ANKHD1: variants seen among roughly 807,000 people sequenced by gnomAD.
ANKHD1 encodes ankyrin repeat and KH domain-containing protein 1.
In ANKHD1, 31 loss-of-function variants were observed where a neutral mutation model predicts 230.5. The ratio of observed to expected loss-of-function variants is 0.13; its 90% CI spans 0.10 to 0.18. The LOEUF is 0.18. Among genes scored for constraint, ANKHD1 ranks in the 10% least tolerant of loss-of-function variants. The pLI is 1.00. For missense variants in ANKHD1, 2,256 were observed against 3,071.3 expected, an observed-to-expected ratio of 0.73 and a Z score of 6.27; for synonymous variants, 1,074 against 1,117.6, an observed-to-expected ratio of 0.96 and a Z score of 0.78.
intron 29 of ANKHD1, chr5:140,532,999 G>A (rs112198955): frequency 0.022 from 4,651 of 213,034 alleles, 68 homozygotes; most frequent in Middle Eastern, 0.04. Flanking sequence ...TCAGTAGGCT[G>A]AGGCAGGTGA....
intron 25 of ANKHD1, among the ~76,000 whole-genome samples, chr5:140,525,134 A>C (rs558903593): frequency 2.0e-3 from 305 of 151,762 alleles, no homozygotes; most frequent in African/African-American, 6.9e-3. Flanking sequence ...AAATAAAAAG[A>C]AAAAAAAGAA....
In ANKHD1 at chr5:140,445,842, A is replaced by G. The variant is rs1426671542; in HGVS notation, c.1014A>G (p.Gly338=). Residue 338 remains glycine (G), a synonymous_variant, in exon 6 of 34, where the codon GGA becomes GGG. Transcript: ENST00000360839. ...GANIEDHNEN[G]HTPLMEAASA... The stretch of plus-strand genomic sequence containing the variant: ...ATATAGAAGATCATAATGAAAATGG[A>G]CATACTCCCTTAATGGAAGCAGCCA... The G allele has an allele frequency of 6.2e-7, 1 of 1,613,836 alleles. No individual in the cohort carries two copies. Among genetic ancestry groups the G allele is most frequent in the East Asian group, 2.2e-5 (1 of 44,878 alleles).
At chr5:140,500,542 G>A (rs1451315114) in intron 15 of ANKHD1, among the ~76,000 whole-genome samples, 6 of 151,552 alleles carry the variant, frequency 4.0e-5, no homozygotes, top group South Asian at 2.1e-4. Flanking sequence ...CAGCTACTTG[G>A]GGGGCTGAGG....
chr5:140,502,293 T>C (rs1384758225), intron 15 of ANKHD1, among the ~76,000 whole-genome samples: 1 of 152,228 alleles, frequency 6.6e-6, no homozygotes, highest in Non-Finnish European at 1.5e-5. Flanking sequence ...TAAAGGCACT[T>C]GCTATGGAAT....
intron 14 of ANKHD1, among the ~76,000 whole-genome samples, chr5:140,493,695 G>T (rs965700015): frequency 1.3e-5 from 2 of 152,106 alleles, no homozygotes; most frequent in Non-Finnish European, 2.9e-5. Context: ...TGGCTATTTT[G>T]AGATGAACCA....
intron 24 of ANKHD1, among the ~76,000 whole-genome samples, chr5:140,514,110 A>G (rs1752879678): frequency 6.6e-6 from 1 of 151,566 alleles, no homozygotes; most frequent in African/African-American, 2.4e-5. Flanking sequence ...ACTTGAGTCC[A>G]GGAGTTCGAG....
chr5:140,475,194 A>G (rs9285639), intron 10 of ANKHD1, among the ~76,000 whole-genome samples: 4,809 of 152,284 alleles, frequency 0.032, 236 homozygotes, highest in African/African-American at 0.11. Context: ...CATTATTAGT[A>G]TATAGAAAAA....
intron 1 of ANKHD1, among the ~76,000 whole-genome samples, chr5:140,424,893 C>T (rs376402749): frequency 1.3e-5 from 2 of 152,138 alleles, no homozygotes; most frequent in East Asian, 3.8e-4. Flanking sequence ...AGCTTCAGAT[C>T]CTCACATGGT....
chr5:140,536,413 A>G (rs1362687460), intron 30 of ANKHD1, among the ~76,000 whole-genome samples: 1 of 152,196 alleles, frequency 6.6e-6, no homozygotes, highest in African/African-American at 2.4e-5. Context: ...ATTTATTTCA[A>G]TGTTTAGAAC....
At chr5:140,520,792 AG>A (rs1231924742) in intron 24 of ANKHD1, among the ~76,000 whole-genome samples, 1 of 34,926 alleles carries the variant, frequency 2.9e-5, no homozygotes, top group Admixed American at 4.3e-4. Context: ...GGTGGGGGGG[AG>A]GGGGGAGGGA....
At chr5:140,532,786 C>T in intron 29 of ANKHD1, 1 of 428,150 alleles carries the variant, frequency 2.3e-6, no homozygotes, top group South Asian at 1.6e-5. Flanking sequence ...CATTTAGGTC[C>T]CCAAAATGCA....
chr5:140,515,666 G>T (rs1232238114), intron 24 of ANKHD1, among the ~76,000 whole-genome samples: 3 of 152,164 alleles, frequency 2.0e-5, no homozygotes, highest in Non-Finnish European at 2.9e-5. Context: ...TAACTGGGGG[G>T]CACCCCCCAG....
chr5:140,511,809 T>C (rs1401136416), intron 22 of ANKHD1, among the ~76,000 whole-genome samples: 1 of 152,242 alleles, frequency 6.6e-6, no homozygotes, highest in Admixed American at 6.5e-5. Context: ...GAAGGTTCCC[T>C]CTTGCCCACT....
intron 5 of ANKHD1, among the ~76,000 whole-genome samples, chr5:140,443,400 C>CA (rs1434428380): frequency 6.6e-6 from 1 of 150,682 alleles, no homozygotes; most frequent in Non-Finnish European, 1.5e-5. Context: ...GAAAAATACC[C>CA]AAAAAAAAGG....
At chr5:140,416,250 G>A (rs985012455) in intron 1 of ANKHD1, among the ~76,000 whole-genome samples, 10 of 152,200 alleles carry the variant, frequency 6.6e-5, no homozygotes, top group African/African-American at 1.7e-4. Flanking sequence ...GTAAACGTAC[G>A]TGTGCGTGTG....
At chr5:140,466,958 A>G (rs1436940054) in intron 10 of ANKHD1, among the ~76,000 whole-genome samples, 1 of 151,942 alleles carries the variant, frequency 6.6e-6, no homozygotes, top group African/African-American at 2.4e-5. Context: ...AAAGGCTCAG[A>G]TAAATACATA....
At chr5:140,525,360 T>C (rs1201422473) in intron 25 of ANKHD1, among the ~76,000 whole-genome samples, 6 of 151,830 alleles carry the variant, frequency 4.0e-5, no homozygotes, top group Non-Finnish European at 8.8e-5. Context: ...CCCCCCAGGT[T>C]CAGGTGATCC....
rs1014783296 is a variant in ANKHD1 at position 140,502,296 on chromosome 5, T to C, written c.3005-2525T>C. On this transcript the variant is annotated intron_variant, in intron 15 of 33. Transcript: ENST00000360839. ...AATTAGTCCTGTTAAAGGCACTTGCTATGGAATGTTTCTGACTGTCATTAT... is the reference window on the plus strand; with the variant it reads ...AATTAGTCCTGTTAAAGGCACTTGCCATGGAATGTTTCTGACTGTCATTAT... Among the ~76,000 whole-genome samples, 4 of 152,230 alleles carry C rather than the reference T, an allele frequency of 2.6e-5. No homozygotes were observed. In the East Asian group the frequency reaches 7.7e-4, roughly 29 times the overall value.
At chr5:140,407,544 A>G (rs992057578) in intron 1 of ANKHD1, among the ~76,000 whole-genome samples, 9 of 151,640 alleles carry the variant, frequency 5.9e-5, no homozygotes, top group Middle Eastern at 3.2e-3. Flanking sequence ...AGCTAGGTCT[A>G]ACTAGAGGTG....
Sources: allele counts gnomAD v4.1 joint callset (sites outside exome capture counted in the v4.1 genomes callset), GRCh38; gene constraint gnomAD v4.1.1; transcripts MANE v1.5; gene names NCBI Gene and HGNC (gene_info 2026-07-23, HGNC 2026-07-21).